Variants in CD300C observed in about 807,000 individuals in gnomAD.
CD300C encodes CMRF35-like molecule 6.
Under a neutral mutation model 18.4 loss-of-function variants are expected in CD300C, and 11 were observed. The observed-to-expected ratio is 0.60, with a 90% CI of 0.38 to 0.99. The LOEUF (loss-of-function observed/expected upper bound fraction) is 0.99, where lower values mean the gene tolerates loss of function less well. Among genes scored for constraint, CD300C ranks in the 50% least tolerant of loss-of-function variants. CD300C has a pLI of 0.01. For synonymous variants in CD300C, 116 were observed against 116.3 expected (o/e 1.00, Z 0.02); for missense variants, 277 against 287.4 (o/e 0.96, Z 0.26).
intron 2 of CD300C, among the ~76,000 whole-genome samples, chr17:74,543,317 G>C (rs773407892): frequency 1.2e-4 from 19 of 152,236 alleles, no homozygotes; most frequent in Non-Finnish European, 2.4e-4. Context: ...CTCTGCGAAG[G>C]GTGACCCAGA....
chr17:74,544,439 A>G (rs894157604), intron 2 of CD300C, among the ~76,000 whole-genome samples, 170 bp downstream of exon 2: 2 of 152,124 alleles, frequency 1.3e-5, no homozygotes, highest in Non-Finnish European at 2.9e-5. Flanking sequence ...ACTCCTATGC[A>G]GGCACGCATA....
chr17:74,546,057 C>T lies in CD300C; in HGVS notation c.-275G>A, dbSNP rs1057018188. On this transcript the variant is annotated 5_prime_UTR_variant, in exon 1 of 4. Coordinates refer to ENST00000330793, the MANE Select transcript of CD300C (RefSeq NM_006678.5). Reference sequence around the variant, plus strand: ...GCAAAGTCCAGGGTCCCTTGGGTGGCGATGCAGCCACTTCCCCACAGCCCA... The same window carrying T: ...GCAAAGTCCAGGGTCCCTTGGGTGGTGATGCAGCCACTTCCCCACAGCCCA... 1.7e-5 allele frequency: 7 copies of T among 415,092 alleles called. No homozygotes were observed. The highest frequency in any genetic ancestry group is 6.3e-5 in the South Asian group (2 of 31,924). 25.7% of individuals were successfully genotyped at this position (415,092 alleles called of 1,614,324 possible).
the CD300C span, among the ~76,000 whole-genome samples, chr17:74,535,751 T>A: frequency 6.6e-6 from 1 of 152,146 alleles, no homozygotes; most frequent in Non-Finnish European, 1.5e-5. Flanking sequence ...GAAGAGGAAA[T>A]GGCCAATATT....
chr17:74,540,225 AC>A (rs1224495576), downstream of CD300C, among the ~76,000 whole-genome samples: 2 of 151,478 alleles, frequency 1.3e-5, no homozygotes, highest in Non-Finnish European at 2.9e-5. Context: ...CCTGGCGCTC[AC>A]CCCCCTCCTT....
chr17:74,545,372 A>C (rs936373625), intron 1 of CD300C, among the ~76,000 whole-genome samples: 2 of 146,240 alleles, frequency 1.4e-5, no homozygotes, highest in African/African-American at 5.1e-5. Context: ...CTGTGTGTGC[A>C]TGTGTGTGAG....
At chr17:74,538,916 G>A (rs936062297), downstream of CD300C, among the ~76,000 whole-genome samples, 2 of 152,194 alleles carry the variant, frequency 1.3e-5, no homozygotes, top group African/African-American at 4.8e-5. Context: ...GTGCCTCCCA[G>A]GGAACAGACA....
Position 74,544,820 on chromosome 17 carries a change from G to A in CD300C, c.189C>T (p.Leu63=), listed in dbSNP as rs1908694850. The A allele has an allele frequency of 6.2e-7, 1 of 1,614,114 alleles. No homozygotes were observed. The change falls in exon 2 of 4, where the codon CTC becomes CTT. Residue 63 remains leucine, a synonymous_variant. Coordinates refer to ENST00000330793, the MANE Select transcript of CD300C (RefSeq NM_006678.5). ...TGGTCTCCACAATCTTGTCACATCG[G>A]AGAATCTGTGGTGGTCTGCACCAGA... ...NKFWCRPPQI[L]RCDKIVETKG...
In CD300C at chr17:74,543,139, T is replaced by C. The variant is rs960136349; in HGVS notation, c.401-152A>G. ...CATGCCCCACGGCCACACCCAGGCC[T>C]GACCAGGGTCCTGGGCCTCTCCTTG... On this transcript the variant is annotated intron_variant, in intron 2 of 3. Transcript: ENST00000330793. 16 of 1,035,790 alleles carry C rather than the reference T, an allele frequency of 1.5e-5. No individual in the cohort carries two copies. The African/African-American group carries it at 2.4e-4, about 16-fold the overall frequency. The allele number at this position is 1,035,790 out of a possible 1,614,324, so 64.2% of individuals were successfully genotyped here. A position where few individuals can be genotyped will look rare whatever the true frequency, so the allele number is the denominator to read the frequency against.
chr17:74,541,202 G>A lies in CD300C; in HGVS notation c.*387C>T, dbSNP rs1908534030. ...CGCATATTCTACACTCCTGGACCCA[G>A]GGAGTGTGGGCCATTATGGTGGCAA... On this transcript the variant is annotated 3_prime_UTR_variant, in exon 4 of 4. Transcript: ENST00000330793. 1 of 208,962 alleles carries A rather than the reference G, an allele frequency of 4.8e-6. No homozygotes were observed. The highest frequency in any genetic ancestry group is 9.8e-6 in the Non-Finnish European group (1 of 101,924). The allele number at this position is 208,962 out of a possible 1,614,324, so 12.9% of individuals were successfully genotyped here.
At chr17:74,537,768 C>G (rs186032799), downstream of CD300C, among the ~76,000 whole-genome samples, 8 of 152,112 alleles carry the variant, frequency 5.3e-5, no homozygotes, top group African/African-American at 1.9e-4. Flanking sequence ...TGTGGCAAAT[C>G]CCTTAAAACA....
At position 74,541,271 on chromosome 17, in the gene CD300C, T is replaced by G; in HGVS notation, c.*318A>C. The G allele has an allele frequency of 7.1e-6, 2 of 280,504 alleles. No homozygotes were observed. Among genetic ancestry groups the G allele is most frequent in the Non-Finnish European group, 7.0e-6 (1 of 142,976 alleles). The allele number at this position is 280,504 out of a possible 1,614,324, so 17.4% of individuals were successfully genotyped here. ...GACCTGCTTCTCCCTGTGAAAACGG[T>G]GGAGGAAGCAGTGCCAGGCTCCTGG... On this transcript the variant is annotated 3_prime_UTR_variant, in exon 4 of 4. Coordinates refer to ENST00000330793, the MANE Select transcript of CD300C (RefSeq NM_006678.5).
At chr17:74,535,525 A>G in the CD300C span, among the ~76,000 whole-genome samples, 1 of 151,676 alleles carries the variant, frequency 6.6e-6, no homozygotes. Context: ...AATATCCAGA[A>G]TTACACTTAA....
In CD300C at chr17:74,544,659, A is replaced by C. The variant is rs1485698346; in HGVS notation, c.350T>G (p.Leu117Arg). The C allele has an allele frequency of 6.2e-7, 1 of 1,613,962 alleles. No homozygotes were observed. The highest frequency in any genetic ancestry group is 8.5e-7 in the Non-Finnish European group (1 of 1,179,956). Residue 117 changes from leucine (L) to arginine (R), a missense_variant, in exon 2 of 4, where the codon CTC becomes CGC. Physicochemically the swap from Leu to Arg is moderately radical, Grantham distance 102. Coordinates refer to ENST00000330793, the MANE Select transcript of CD300C (RefSeq NM_006678.5). Reference protein sequence around the residue: ...TYWCGVDTPWLRDFHDPIVEV... With the variant: ...TYWCGVDTPWRRDFHDPIVEV... ...GACAATGGGATCATGAAAGTCTCGG[A>C]GCCACGGTGTATCCACCCCACACCA...
intron 2 of CD300C, among the ~76,000 whole-genome samples, chr17:74,543,632 C>T (rs1054016042): frequency 6.6e-6 from 1 of 152,134 alleles, no homozygotes; most frequent in Non-Finnish European, 1.5e-5. Context: ...GCTCCTCACT[C>T]CTAGATAGGA....
chr17:74,540,767 CA>C (rs1908519738), downstream of CD300C, among the ~76,000 whole-genome samples: 1 of 152,188 alleles, frequency 6.6e-6, no homozygotes, highest in African/African-American at 2.4e-5. Flanking sequence ...CATCCGTTTC[CA>C]AATTTGCACC....
chr17:74,543,011 C>T (rs547033165), intron 2 of CD300C, 24 bp from the exon 3 acceptor site: 13 of 1,612,680 alleles, frequency 8.1e-6, no homozygotes, highest in Non-Finnish European at 1.1e-5. Context: ...ACAGGTCAAC[C>T]TTGATGACAT....
At chr17:74,537,796 A>G (rs1908426414), downstream of CD300C, among the ~76,000 whole-genome samples, 1 of 152,174 alleles carries the variant, frequency 6.6e-6, no homozygotes, top group Non-Finnish European at 1.5e-5. Context: ...GATGAACATA[A>G]CAATCGGAAT....
At chr17:74,542,169 T>C (rs1908574996) in intron 3 of CD300C, among the ~76,000 whole-genome samples, 2 of 152,162 alleles carry the variant, frequency 1.3e-5, no homozygotes, top group Admixed American at 6.5e-5. Context: ...ACCCGGAGTC[T>C]CCAATAATCT....
At chr17:74,544,056 A>T (rs1908657589) in intron 2 of CD300C, among the ~76,000 whole-genome samples, 1 of 152,158 alleles carries the variant, frequency 6.6e-6, no homozygotes, top group South Asian at 2.1e-4. Flanking sequence ...CTCCCAGGAC[A>T]GGGCTGTGAG....
Sources: allele counts gnomAD v4.1 joint callset (sites outside exome capture counted in the v4.1 genomes callset), GRCh38; gene constraint gnomAD v4.1.1; transcripts MANE v1.5; gene names NCBI Gene and HGNC (gene_info 2026-07-23, HGNC 2026-07-21).